Variants in PRR16 observed in about 807,000 individuals in gnomAD.
PRR16 encodes protein Largen.
In PRR16, 6 loss-of-function variants were observed where a neutral mutation model predicts 18.2. That is an observed-to-expected ratio of 0.33 (90% CI 0.18 to 0.65). The LOEUF (loss-of-function observed/expected upper bound fraction) is 0.65, where lower values mean the gene tolerates loss of function less well. Among genes scored for constraint, PRR16 ranks in the 30% least tolerant of loss-of-function variants. The pLI, the probability that PRR16 is intolerant of heterozygous loss-of-function variation, is 0.74. For missense variants in PRR16, 412 were observed against 376.6 expected (o/e 1.09, Z -0.78); for synonymous variants, 151 against 147.8 (o/e 1.02, Z -0.16).
the PRR16 span, among the ~76,000 whole-genome samples, chr5:120,764,625 T>A: frequency 6.6e-6 from 1 of 152,052 alleles, no homozygotes; most frequent in African/African-American, 2.4e-5. Flanking sequence ...TTTTAAATCC[T>A]TGATTAATCA....
At chr5:120,529,389 A>C (rs1026200298) in intron 1 of PRR16, among the ~76,000 whole-genome samples, 1 of 152,170 alleles carries the variant, frequency 6.6e-6, no homozygotes, top group Admixed American at 6.6e-5. Flanking sequence ...TGACAACTCA[A>C]ATCATGTTTT....
At chr5:120,657,887 A>G (rs1756037997) in intron 1 of PRR16, among the ~76,000 whole-genome samples, 2 of 151,910 alleles carry the variant, frequency 1.3e-5, no homozygotes, top group South Asian at 4.2e-4. Context: ...TAAGGGTGTG[A>G]TTGTCGCCAT....
intron 1 of PRR16, among the ~76,000 whole-genome samples, chr5:120,516,882 C>T (rs1240855652): frequency 1.3e-5 from 2 of 152,146 alleles, no homozygotes; most frequent in African/African-American, 2.4e-5. Flanking sequence ...CCATATGGCT[C>T]ATATGGTACC....
chr5:120,658,415 A>G (rs1756060385), intron 1 of PRR16: 1 of 151,838 alleles, frequency 6.6e-6, no homozygotes, highest in Admixed American at 6.6e-5. Flanking sequence ...CGATGTCCAG[A>G]CAGCACTAGG....
chr5:120,621,051 CTTT>C (rs1754673274), intron 1 of PRR16, among the ~76,000 whole-genome samples: 4 of 152,028 alleles, frequency 2.6e-5, no homozygotes, highest in Admixed American at 2.6e-4. Flanking sequence ...TAGTGTTCTC[CTTT>C]AGAAAGTTTT....
At chr5:120,676,651 A>T (rs1380294499) in intron 1 of PRR16, among the ~76,000 whole-genome samples, 1 of 152,134 alleles carries the variant, frequency 6.6e-6, no homozygotes, top group Non-Finnish European at 1.5e-5. Flanking sequence ...AAAGACAGAC[A>T]TGCTTAATTG....
intron 1 of PRR16, among the ~76,000 whole-genome samples, chr5:120,528,255 C>G (rs752775616): frequency 4.6e-5 from 7 of 152,118 alleles, no homozygotes; most frequent in Non-Finnish European, 1.0e-4. Flanking sequence ...GCTTTTTGAA[C>G]TAAGTCAGCA....
At chr5:120,589,144 A>G (rs934073145) in intron 1 of PRR16, among the ~76,000 whole-genome samples, 13 of 152,148 alleles carry the variant, frequency 8.5e-5, no homozygotes, top group Non-Finnish European at 1.5e-4. Flanking sequence ...TATCCTAATA[A>G]GTAAATAAAA....
chr5:120,570,364 G>A (rs551142954), intron 1 of PRR16, among the ~76,000 whole-genome samples: 41 of 152,238 alleles, frequency 2.7e-4, no homozygotes, highest in African/African-American at 9.9e-4. Flanking sequence ...GGGTACTCTT[G>A]ATGGAGGAAA....
chr5:120,546,753 C>T (rs10042359), intron 1 of PRR16, among the ~76,000 whole-genome samples: 28,999 of 151,764 alleles, frequency 0.19, 2,939 homozygotes, highest in Non-Finnish European at 0.21. Flanking sequence ...CAGTCAAGCC[C>T]CCAAACTGGG....
the PRR16 span, among the ~76,000 whole-genome samples, chr5:120,783,786 A>T: frequency 1.3e-5 from 2 of 152,116 alleles, no homozygotes; most frequent in Non-Finnish European, 2.9e-5. Context: ...TAGTCACTCT[A>T]CTGTGCTACC....
At chr5:120,508,476 TATTA>T (rs1420852175) in intron 1 of PRR16, among the ~76,000 whole-genome samples, 11 of 152,262 alleles carry the variant, frequency 7.2e-5, no homozygotes, top group African/African-American at 2.4e-4. Flanking sequence ...TCTGCTGCAA[TATTA>T]TATAAGTAGT....
At chr5:120,794,490 G>C in the PRR16 span, among the ~76,000 whole-genome samples, 1 of 152,204 alleles carries the variant, frequency 6.6e-6, no homozygotes. Context: ...GGTAATATGT[G>C]ATTTTTGATG....
chr5:120,485,247 T>C (rs1160845886), intron 1 of PRR16, among the ~76,000 whole-genome samples: 2 of 152,198 alleles, frequency 1.3e-5, no homozygotes, highest in African/African-American at 4.8e-5. Flanking sequence ...CTATGTTTTA[T>C]ATAATAATTG....
intron 1 of PRR16, among the ~76,000 whole-genome samples, chr5:120,477,244 C>T (rs1749471056): frequency 6.6e-6 from 1 of 152,034 alleles, no homozygotes; most frequent in Non-Finnish European, 1.5e-5. Context: ...CTTGTGTAGC[C>T]AACAGTCTAC....
intron 1 of PRR16, among the ~76,000 whole-genome samples, chr5:120,537,197 A>C (rs903099160): frequency 6.6e-6 from 1 of 152,222 alleles, no homozygotes; most frequent in South Asian, 2.1e-4. Flanking sequence ...CTAAAATAAA[A>C]GTTAAAATGT....
intron 1 of PRR16, among the ~76,000 whole-genome samples, chr5:120,678,180 A>AT (rs2150152040): frequency 6.6e-6 from 1 of 152,296 alleles, no homozygotes; most frequent in East Asian, 1.9e-4. Flanking sequence ...AAGTGCTGGG[A>AT]TTAAGCTGTA....
chr5:120,484,558 G>A (rs1306672299), intron 1 of PRR16, among the ~76,000 whole-genome samples: 2 of 141,884 alleles, frequency 1.4e-5, no homozygotes, highest in East Asian at 2.0e-4. Flanking sequence ...ATTATATATT[G>A]TATATATGAA....
chr5:120,480,539 C>T (rs1476263552), intron 1 of PRR16, among the ~76,000 whole-genome samples: 1 of 152,098 alleles, frequency 6.6e-6, no homozygotes, highest in African/African-American at 2.4e-5. Context: ...AGTATACTGA[C>T]AATGTAGTAC....
Sources: allele counts gnomAD v4.1 joint callset (sites outside exome capture counted in the v4.1 genomes callset), GRCh38; gene constraint gnomAD v4.1.1; transcripts MANE v1.5; gene names NCBI Gene and HGNC (gene_info 2026-07-23, HGNC 2026-07-21).